PPM1M: variants seen among roughly 807,000 people sequenced by gnomAD.
PPM1M encodes the protein protein phosphatase, Mg2+/Mn2+ dependent 1M, also known as protein phosphatase 1M.
A neutral mutation model predicts 50.8 loss-of-function variants in PPM1M; 44 were observed. The observed-to-expected ratio is 0.87, with a 90% confidence interval of 0.68 to 1.11. PPM1M has a LOEUF of 1.11. PPM1M is among the 50% of genes most tolerant of loss of function. The pLI is 0.00. For missense variants in PPM1M, 556 were observed against 593.4 expected, an observed-to-expected ratio of 0.94 and a Z score of 0.66; for synonymous variants, 224 against 242.9, an observed-to-expected ratio of 0.92 and a Z score of 0.72.
chr3:52,249,122 G>A, intron 8 of PPM1M, 52 bp from the exon 9 acceptor site: 2 of 1,610,656 alleles, frequency 1.2e-6, no homozygotes, highest in Admixed American at 1.7e-5. Context: ...AGACAGTGAG[G>A]CTGGTGGGAG....
At position 52,245,965 on chromosome 3, in the gene PPM1M, C is replaced by G. The variant is rs1257723971; in HGVS notation, c.141C>G (p.Ala47=). ...LRGSSSSPGA[A]DASRRPDSRP... is the part of the protein sequence containing the mutation. ...GCTCCAGCTCCAGCCCCGGGGCGGC[C>G]GACGCCTCGCGCCGCCCAGACTCCC... Residue 47 remains alanine (A), a synonymous_variant, in exon 1 of 10, where the codon GCC becomes GCG. Transcript: ENST00000323588. The surrounding 1 kb of genome is among the most constrained non-coding windows in gnomAD (Gnocchi z 4.8). The G allele has an allele frequency of 9.6e-6, 12 of 1,249,472 alleles. No individual in the cohort carries two copies. The Admixed American group carries it at 3.1e-4, about 32-fold the overall frequency. The allele number at this position is 1,249,472 out of a possible 1,614,324, so 77.4% of individuals were successfully genotyped here. A position where few individuals can be genotyped will look rare whatever the true frequency, so the allele number is the denominator to read the frequency against.
intron 4 of PPM1M, 44 bp from the exon 5 acceptor site, chr3:52,248,109 G>A: frequency 1.3e-6 from 2 of 1,530,534 alleles, no homozygotes; most frequent in Non-Finnish European, 1.8e-6. Context: ...ATGGGTGAGG[G>A]TGGAGGCCTC....
rs758892361 is a variant in PPM1M, at chr3:52,247,669, C to T, written c.598-13C>T. 9 of 1,567,864 alleles carry T rather than the reference C, an allele frequency of 5.7e-6. No homozygotes were observed. The highest frequency in any genetic ancestry group is 1.8e-5 in the Admixed American group (1 of 54,940). On this transcript the variant is annotated splice_polypyrimidine_tract_variant and intron_variant, in intron 3 of 9. Transcript: ENST00000323588. Reference sequence around the variant, plus strand: ...GAACAGGCAGCAGCTAAGGTGGCCTCGGTTTTCCCCAGGATGAGGTGATCG... The same window carrying T: ...GAACAGGCAGCAGCTAAGGTGGCCTTGGTTTTCCCCAGGATGAGGTGATCG...
intron 5 of PPM1M, 36 bp downstream of exon 5, chr3:52,248,273 C>G: frequency 6.2e-7 from 1 of 1,608,270 alleles, no homozygotes; most frequent in Non-Finnish European, 8.5e-7. Flanking sequence ...CTGTGAAGCT[C>G]CAACTCCTGG....
rs1186441405 is a variant in PPM1M, at chr3:52,245,986, C to T, written c.162C>T (p.Asp54=). 8.8e-6 allele frequency: 11 copies of T among 1,245,556 alleles called. No individual in the cohort carries two copies. The East Asian group carries it at 4.6e-4, about 52-fold the overall frequency. The allele number at this position is 1,245,556 out of a possible 1,614,324, so 77.2% of individuals were successfully genotyped here. Residue 54 remains aspartate, a synonymous_variant, in exon 1 of 10, where the codon GAC becomes GAT. Coordinates refer to ENST00000323588, the MANE Select transcript of PPM1M (RefSeq NM_144641.4). This position sits in a 1 kb window ranked among gnomAD's most constrained non-coding sequence, Gnocchi z 4.8. ...PGAADASRRP[D]SRPVRSPARG... ...CGGCCGACGCCTCGCGCCGCCCAGA[C>T]TCCCGGCCCGTGCGCAGCCCCGCAC...
Position 52,245,886 on chromosome 3 carries a change from C to T in PPM1M, c.62C>T (p.Pro21Leu). 3 of 1,132,732 alleles carry T rather than the reference C, an allele frequency of 2.6e-6. No individual in the cohort carries two copies. Among genetic ancestry groups the T allele is most frequent in the South Asian group, 3.5e-5 (2 of 56,348 alleles). 70.2% of individuals were successfully genotyped at this position (1,132,732 alleles called of 1,614,324 possible). A position where few individuals can be genotyped will look rare whatever the true frequency, so the allele number is the denominator to read the frequency against. Residue 21 changes from proline to leucine, a missense_variant, in exon 1 of 10, where the codon CCG (proline) becomes CTG (leucine). By Grantham distance (98) the Pro-to-Leu change is moderately conservative (BLOSUM62 -3). Coordinates refer to ENST00000323588, the MANE Select transcript of PPM1M (RefSeq NM_144641.4). The surrounding 1 kb of genome is among the most constrained non-coding windows in gnomAD (Gnocchi z 4.8). ...GGGGAGCCGCTCCCCGCGCCGCGGC[C>T]GCCTGGGCCGCATGCCAGCCCCGTG... ...LPGEPLPAPRPPGPHASPVPY... is the reference protein window; with the variant it reads ...LPGEPLPAPRLPGPHASPVPY...
At chr3:52,248,843 G>C (rs1022185345) in intron 7 of PPM1M, 113 bp from the exon 8 acceptor site, 49 of 1,245,612 alleles carry the variant, frequency 3.9e-5, no homozygotes, top group Non-Finnish European at 5.1e-5. Flanking sequence ...CTCAGTCCAA[G>C]GCTTCCAAGG....
chr3:52,246,593 G>T (rs1699860144), intron 1 of PPM1M, 102 bp from the exon 2 acceptor site: 13 of 663,448 alleles, frequency 2.0e-5, no homozygotes, highest in South Asian at 1.9e-4. Flanking sequence ...GGGAGCTGTT[G>T]CCCCAGAGGG....
chr3:52,249,361 G>A (rs1255856755), intron 9 of PPM1M, 39 bp downstream of exon 9: 2 of 1,565,462 alleles, frequency 1.3e-6, no homozygotes, highest in South Asian at 2.3e-5. Context: ...GCCTGGGTTG[G>A]TGCCAGCAGC....
At chr3:52,249,388 G>A (rs1470491491) in intron 9 of PPM1M, 66 bp downstream of exon 9, 1 of 1,540,320 alleles carries the variant, frequency 6.5e-7, no homozygotes, top group South Asian at 1.2e-5. Context: ...AAGTAGTTAT[G>A]GCTGAGAAGA....
At position 52,245,830 on chromosome 3, in the gene PPM1M, C is replaced by G; in HGVS notation, c.6C>G (p.Ser2=). Residue 2 remains serine, a synonymous_variant, in exon 1 of 10, where the codon TCC becomes TCG. Transcript: ENST00000323588. This position sits in a 1 kb window ranked among gnomAD's most constrained non-coding sequence, Gnocchi z 4.8. M[S]AGWFRRRFLP... ...CAGCCCCCTGCCGCCGCGCCATGTC[C>G]GCCGGCTGGTTCCGGCGCCGCTTCC... 3.8e-6 allele frequency: 4 copies of G among 1,047,730 alleles called. No homozygotes were observed. Among genetic ancestry groups the G allele is most frequent in the Non-Finnish European group, 4.6e-6 (4 of 867,690 alleles). 64.9% of individuals were successfully genotyped at this position (1,047,730 alleles called of 1,614,324 possible).
intron 6 of PPM1M, 78 bp downstream of exon 6, chr3:52,248,531 C>T (rs988201963): frequency 2.5e-6 from 4 of 1,588,084 alleles, no homozygotes; most frequent in Non-Finnish European, 3.5e-6. Flanking sequence ...GGCCCCCCTC[C>T]ACCTTGGCAG....
At position 52,247,114 on chromosome 3, in the gene PPM1M, C is replaced by T. The variant is rs761909106; in HGVS notation, c.483C>T (p.Pro161=). The stretch of plus-strand genomic sequence containing the variant: ...AAGGCTTGGTGGCCACTCAGCCCCC[C>T]ATGCACCTCAATGGCCGCTGCATCT... ...VVEGLVATQP[P]MHLNGRCICP... is the part of the protein sequence containing the mutation. Residue 161 remains proline (P), a synonymous_variant, in exon 3 of 10, where the codon CCC becomes CCT. Coordinates refer to ENST00000323588, the MANE Select transcript of PPM1M (RefSeq NM_144641.4). The T allele has an allele frequency of 5.6e-6, 9 of 1,605,616 alleles. No individual in the cohort carries two copies. Among genetic ancestry groups the T allele is most frequent in the Non-Finnish European group, 7.7e-6 (9 of 1,176,180 alleles).
At chr3:52,246,631 G>T in intron 1 of PPM1M, 64 bp from the exon 2 acceptor site, 1 of 1,095,590 alleles carries the variant, frequency 9.1e-7, no homozygotes, top group Non-Finnish European at 1.2e-6. Context: ...GCTGGCTTGG[G>T]TCCCTGTGCC....
chr3:52,249,353 C>A, intron 9 of PPM1M, 31 bp downstream of exon 9: 1 of 1,571,048 alleles, frequency 6.4e-7, no homozygotes, highest in Non-Finnish European at 8.6e-7. Flanking sequence ...CTGCCTGGGC[C>A]TGGGTTGGTG....
rs1472999829 is a variant in PPM1M, at chr3:52,248,961, G to A, written c.984G>A (p.Arg328=). The A allele has an allele frequency of 1.9e-6, 3 of 1,604,626 alleles. No individual in the cohort carries two copies. Among genetic ancestry groups the A allele is most frequent in the Non-Finnish European group, 2.6e-6 (3 of 1,175,486 alleles). The change falls in exon 8 of 10, where the codon CGG becomes CGA. Residue 328 remains arginine, a synonymous_variant. Coordinates refer to ENST00000323588, the MANE Select transcript of PPM1M (RefSeq NM_144641.4). ...CACACCTCACTTTCCCTCAGGCTCG[G>A]TTACTAGGAACACTGGCTGTCTCCC... ...PLIHGQGRQA[R]LLGTLAVSRG...
At chr3:52,249,400 A>T in intron 9 of PPM1M, 78 bp downstream of exon 9, 1 of 1,522,498 alleles carries the variant, frequency 6.6e-7, no homozygotes, top group African/African-American at 1.4e-5. Flanking sequence ...CTGAGAAGAC[A>T]GAGCACTGAC....
At position 52,250,332 on chromosome 3, in the gene PPM1M, A is replaced by AAG. The variant is rs1699942580; in HGVS notation, c.*522_*523dup. ...AGCCATCTTCAAGACAGCCCCTGAA[A>AAG]AGAGACCAGTTCAGGTCCTGCCCTG... is the stretch of plus-strand genomic sequence containing the variant. On this transcript the variant is annotated 3_prime_UTR_variant, in exon 10 of 10. Coordinates refer to ENST00000323588, the MANE Select transcript of PPM1M (RefSeq NM_144641.4). The AAG allele has an allele frequency of 6.2e-6, 1 of 161,660 alleles. No individual in the cohort carries two copies. The allele number at this position is 161,660 out of a possible 1,614,324, so 10.0% of individuals were successfully genotyped here.
Position 52,250,072 on chromosome 3 carries a change from T to C in PPM1M, c.*258T>C. The stretch of plus-strand genomic sequence containing the variant: ...TCTCTGGCAGAGTGACTTTACAACT[T>C]AACTAGGAAACCCATGTGAGGCTCC... On this transcript the variant is annotated 3_prime_UTR_variant, in exon 10 of 10. Transcript: ENST00000323588. The C allele has an allele frequency of 2.3e-6, 1 of 434,528 alleles. No individual in the cohort carries two copies. 26.9% of individuals were successfully genotyped at this position (434,528 alleles called of 1,614,324 possible). A position where few individuals can be genotyped will look rare whatever the true frequency, so the allele number is the denominator to read the frequency against.
Sources: allele counts gnomAD v4.1 joint callset, GRCh38; gene constraint gnomAD v4.1.1; non-coding constraint Gnocchi (gnomAD v3.1); transcripts MANE v1.5; gene names NCBI Gene and HGNC (gene_info 2026-07-23, HGNC 2026-07-21).